Variants in TUSC3 observed in about 807,000 individuals in gnomAD.
TUSC3 encodes the protein dolichyl-diphosphooligosaccharide--protein glycosyltransferase subunit TUSC3.
In TUSC3, 45 loss-of-function variants were observed where a neutral mutation model predicts 44.8. That is an observed-to-expected ratio of 1.00 (90% CI 0.79 to 1.29). TUSC3 has a LOEUF of 1.29. Ranked by LOEUF, TUSC3 falls within the 50% of genes most tolerant of loss-of-function variation. The probability of loss-of-function intolerance (pLI) is 0.00; values close to 1 mark genes in which losing one functional copy is unlikely to be tolerated. For missense variants in TUSC3, 519 were observed against 437.9 expected (o/e 1.19, Z -1.65); for synonymous variants, 212 against 152.9 (o/e 1.39, Z -2.85).
intron 2 of TUSC3, among the ~76,000 whole-genome samples, chr8:15,533,984 T>C (rs1263141761): frequency 6.6e-6 from 1 of 152,120 alleles, no homozygotes; most frequent in African/African-American, 2.4e-5. Flanking sequence ...GCAGATGGCC[T>C]TTGGGTTGGA....
chr8:15,452,190 A>G (rs2129120502), intron 1 of TUSC3, among the ~76,000 whole-genome samples: 2 of 152,282 alleles, frequency 1.3e-5, no homozygotes, highest in Admixed American at 1.3e-4. Context: ...CTTTAACTAT[A>G]ATTTCACATT....
chr8:15,576,207 C>A (rs2129144865), intron 1 of TUSC3, among the ~76,000 whole-genome samples: 1 of 142,054 alleles, frequency 7.0e-6, no homozygotes, highest in East Asian at 2.1e-4. Context: ...AGTTGATGAA[C>A]TGGTTTTCTT....
chr8:15,567,484 C>G (rs1310005459), intron 1 of TUSC3, among the ~76,000 whole-genome samples: 1 of 152,178 alleles, frequency 6.6e-6, no homozygotes, highest in Non-Finnish European at 1.5e-5. Context: ...AACATTTTCA[C>G]ATACTTAAGA....
At chr8:15,659,777 C>T (rs925454940) in intron 4 of TUSC3, 130 bp downstream of exon 4, 19 of 1,167,638 alleles carry the variant, frequency 1.6e-5, no homozygotes, top group East Asian at 4.9e-5. Context: ...GAAAACTGTT[C>T]GATTACTGCA....
the TUSC3 span, among the ~76,000 whole-genome samples, chr8:15,808,858 CT>C: frequency 6.6e-6 from 1 of 151,934 alleles, no homozygotes; most frequent in Non-Finnish European, 1.5e-5. Flanking sequence ...CACAGGTTGT[CT>C]TTTTTTAAAA....
At chr8:15,803,534 A>G in the TUSC3 span, among the ~76,000 whole-genome samples, 1 of 152,188 alleles carries the variant, frequency 6.6e-6, no homozygotes, top group South Asian at 2.1e-4. Flanking sequence ...AGTAGCATAA[A>G]AGGTTAAATA....
intron 1 of TUSC3, among the ~76,000 whole-genome samples, chr8:15,586,099 T>A (rs926746615): frequency 1.5e-5 from 2 of 129,886 alleles, no homozygotes; most frequent in Non-Finnish European, 3.3e-5. Context: ...ATGGAATGAT[T>A]AACAGTGCTA....
chr8:15,772,004 G>C, the TUSC3 span, among the ~76,000 whole-genome samples: 1 of 152,024 alleles, frequency 6.6e-6, no homozygotes, highest in Non-Finnish European at 1.5e-5. Flanking sequence ...CAGGAGAATG[G>C]CGTGAACCCA....
At chr8:15,440,141 G>C (rs1478153398) in intron 1 of TUSC3, among the ~76,000 whole-genome samples, 1 of 152,144 alleles carries the variant, frequency 6.6e-6, no homozygotes, top group African/African-American at 2.4e-5. Flanking sequence ...TTTTGGGCTG[G>C]GATTTAAACT....
intron 7 of TUSC3, among the ~76,000 whole-genome samples, chr8:15,740,016 G>A (rs965738540): frequency 1.3e-5 from 2 of 152,114 alleles, no homozygotes; most frequent in South Asian, 2.1e-4. Flanking sequence ...AGCTAAAATT[G>A]TAGTGCTGGA....
Position 15,734,409 on chromosome 8 carries a change from A to G in TUSC3, c.862+3680A>G, listed in dbSNP as rs988029776. Among the ~76,000 whole-genome samples, 8 of 152,332 alleles carry G rather than the reference A, an allele frequency of 5.3e-5. No homozygotes were observed. In the East Asian group the frequency reaches 1.5e-3, roughly 29 times the overall value. On this transcript the variant is annotated intron_variant, in intron 7 of 10. Coordinates refer to ENST00000503731, the MANE Select transcript of TUSC3 (RefSeq NM_006765.4). ...TTATTTTTTCAGTATCTTATTTAAGAAAACAATCCTAAGTAGTCTTTGAGA... is the reference window on the plus strand; with the variant it reads ...TTATTTTTTCAGTATCTTATTTAAGGAAACAATCCTAAGTAGTCTTTGAGA...
At chr8:15,534,619 G>C (rs1388784279) in intron 2 of TUSC3, among the ~76,000 whole-genome samples, 1 of 150,318 alleles carries the variant, frequency 6.7e-6, no homozygotes, top group African/African-American at 2.5e-5. Flanking sequence ...CTCCAGCCTA[G>C]GTGACAGAGC....
Position 15,626,379 on chromosome 8 carries a change from G to A in TUSC3, c.308+3130G>A, listed in dbSNP as rs373474700. Reference sequence around the variant, plus strand: ...GTGGGCAGAGAGGGGACCCCAAGGCGGAACTGGGTCTGGGGCAGTGCTGTG... The same window carrying A: ...GTGGGCAGAGAGGGGACCCCAAGGCAGAACTGGGTCTGGGGCAGTGCTGTG... On this transcript the variant is annotated intron_variant, in intron 2 of 10. Coordinates refer to ENST00000503731, the MANE Select transcript of TUSC3 (RefSeq NM_006765.4). 1.8e-4 allele frequency among the ~76,000 whole-genome samples: 28 copies of A among 152,322 alleles called. No individual in the cohort carries two copies. In the East Asian group the frequency reaches 3.3e-3, roughly 18 times the overall value.
intron 2 of TUSC3, among the ~76,000 whole-genome samples, chr8:15,638,511 T>A (rs973468118): frequency 7.8e-6 from 1 of 127,670 alleles, no homozygotes; most frequent in East Asian, 2.6e-4. Context: ...TTTTTTCTTT[T>A]TTTCTTTTTT....
chr8:15,452,910 C>T (rs1370774322), intron 1 of TUSC3, among the ~76,000 whole-genome samples: 1 of 152,094 alleles, frequency 6.6e-6, no homozygotes, highest in Non-Finnish European at 1.5e-5. Flanking sequence ...ATACATCTGC[C>T]TTTCTTTACC....
chr8:15,675,829 C>G (rs1808164269), intron 6 of TUSC3, among the ~76,000 whole-genome samples: 2 of 152,058 alleles, frequency 1.3e-5, no homozygotes, highest in African/African-American at 4.8e-5. Context: ...TTTCTTTATC[C>G]ACACTGTGGA....
intron 1 of TUSC3, among the ~76,000 whole-genome samples, chr8:15,549,916 A>G (rs1802000511): frequency 6.6e-6 from 1 of 151,648 alleles, no homozygotes. Flanking sequence ...AGCTGGGAGC[A>G]TCAGCAGACT....
chr8:15,647,237 G>A (rs1409442063), intron 2 of TUSC3, among the ~76,000 whole-genome samples: 1 of 152,000 alleles, frequency 6.6e-6, no homozygotes, highest in Non-Finnish European at 1.5e-5. Flanking sequence ...CAAAGTAGTA[G>A]GTTATCATTA....
intron 2 of TUSC3, among the ~76,000 whole-genome samples, chr8:15,523,140 C>A (rs554202058): frequency 6.6e-6 from 1 of 152,104 alleles, no homozygotes; most frequent in South Asian, 2.1e-4. Flanking sequence ...AAGTTTCTTT[C>A]CATTTGTTCT....
Sources: allele counts gnomAD v4.1 joint callset (sites outside exome capture counted in the v4.1 genomes callset), GRCh38; gene constraint gnomAD v4.1.1; transcripts MANE v1.5; gene names NCBI Gene and HGNC (gene_info 2026-07-23, HGNC 2026-07-21).